The following SLC8A1 variants were observed in gnomAD, a reference collection of about 807,000 sequenced individuals.
The protein encoded by SLC8A1 is sodium/calcium exchanger 1.
In SLC8A1, 18 loss-of-function variants were observed where a neutral mutation model predicts 68.3. That is an observed-to-expected ratio of 0.26 (90% confidence interval 0.18 to 0.39). The LOEUF (loss-of-function observed/expected upper bound fraction) is 0.39. Ranked by LOEUF, SLC8A1 falls within the 10% of genes least tolerant of loss-of-function variation. The pLI is 1.00. For missense variants in SLC8A1, 985 were observed against 1,156.7 expected, an observed-to-expected ratio of 0.85 and a Z score of 2.15; for synonymous variants, 475 against 415.5, an observed-to-expected ratio of 1.14 and a Z score of -1.74.
intron 2 of SLC8A1, among the ~76,000 whole-genome samples, chr2:40,407,622 C>T (rs1690780365): frequency 6.6e-6 from 1 of 152,204 alleles, no homozygotes; most frequent in African/African-American, 2.4e-5. Context: ...TATATTGGAG[C>T]TCCCACAGCT....
intron 2 of SLC8A1, among the ~76,000 whole-genome samples, chr2:40,383,970 G>T (rs564559687): frequency 1.1e-4 from 17 of 152,180 alleles, no homozygotes; most frequent in African/African-American, 4.1e-4. Flanking sequence ...GTAATAAATG[G>T]TAAGCACTGG....
At chr2:40,414,231 T>G (rs1331560770) in intron 2 of SLC8A1, among the ~76,000 whole-genome samples, 1 of 152,202 alleles carries the variant, frequency 6.6e-6, no homozygotes, top group Non-Finnish European at 1.5e-5. Flanking sequence ...TGGAAAACAG[T>G]ATCTTAAGAC....
chr2:40,277,858 G>A (rs2149171013), intron 2 of SLC8A1, among the ~76,000 whole-genome samples: 2 of 142,344 alleles, frequency 1.4e-5, no homozygotes, highest in African/African-American at 5.2e-5. Flanking sequence ...CTTACTATGT[G>A]CAGGGCACTG....
chr2:40,491,225 T>C (rs1323518490), intron 1 of SLC8A1, among the ~76,000 whole-genome samples: 1 of 152,164 alleles, frequency 6.6e-6, no homozygotes, highest in African/African-American at 2.4e-5. Flanking sequence ...GATTCCTAGG[T>C]ATTTTATTCT....
At chr2:40,324,559 G>A (rs1032119396) in intron 2 of SLC8A1, among the ~76,000 whole-genome samples, 1 of 152,148 alleles carries the variant, frequency 6.6e-6, no homozygotes, top group Admixed American at 6.6e-5. Context: ...AAGTGAAGTA[G>A]CTCATTTGTT....
intron 6 of SLC8A1, among the ~76,000 whole-genome samples, chr2:40,146,977 A>C (rs189418504): frequency 1.4e-4 from 21 of 152,330 alleles, no homozygotes; most frequent in Non-Finnish European, 2.9e-4. Context: ...AACCTGGCTG[A>C]AATGAATGAA....
chr2:40,268,893 T>A (rs2065687239), intron 2 of SLC8A1, among the ~76,000 whole-genome samples: 1 of 152,178 alleles, frequency 6.6e-6, no homozygotes, highest in Admixed American at 6.5e-5. Context: ...GCTATTAACC[T>A]CTCAAAATAA....
At chr2:40,404,160 C>G (rs559219921) in intron 2 of SLC8A1, among the ~76,000 whole-genome samples, 1 of 152,246 alleles carries the variant, frequency 6.6e-6, no homozygotes, top group East Asian at 1.9e-4. Flanking sequence ...CTCCAAAGTA[C>G]TGAGGATTAC....
In SLC8A1 at chr2:40,439,848, GGTGC is replaced by G. The variant is rs1700143566; in HGVS notation, c.-24-9548_-24-9545del. ...CATATTTTAAAAAGTCAAGGTGATG[GGTGC>G]TCACATAAGGGTGACTCTCCATCAG... On this transcript the variant is annotated intron_variant, in intron 1 of 7. Transcript: ENST00000406785. 2.6e-5 allele frequency among the ~76,000 whole-genome samples: 4 copies of G among 152,232 alleles called. No individual in the cohort carries two copies. In the East Asian group the frequency reaches 7.7e-4, roughly 29 times the overall value.
At chr2:40,365,159 C>T (rs549780405) in intron 2 of SLC8A1, among the ~76,000 whole-genome samples, 238 of 151,908 alleles carry the variant, frequency 1.6e-3, no homozygotes, top group Middle Eastern at 0.014. Flanking sequence ...ATTTGAACCT[C>T]TGAAAACCAC....
intron 2 of SLC8A1, among the ~76,000 whole-genome samples, chr2:40,199,270 T>C (rs1232217591): frequency 6.6e-6 from 1 of 151,856 alleles, no homozygotes; most frequent in Non-Finnish European, 1.5e-5. Context: ...AAATGGACAC[T>C]GCTCACCTTG....
At chr2:40,314,530 C>CAA (rs766929438) in intron 2 of SLC8A1, among the ~76,000 whole-genome samples, 1 of 145,338 alleles carries the variant, frequency 6.9e-6, no homozygotes, top group African/African-American at 2.5e-5. Context: ...AAATTTACAC[C>CAA]AAAAAAAAAA....
At chr2:40,509,560 C>G (rs187854682) in intron 1 of SLC8A1, among the ~76,000 whole-genome samples, 2 of 146,998 alleles carry the variant, frequency 1.4e-5, no homozygotes, top group African/African-American at 2.5e-5. Context: ...CCTACTCTTA[C>G]TTTCATACAA....
intron 2 of SLC8A1, among the ~76,000 whole-genome samples, chr2:40,182,459 G>A: frequency 6.6e-6 from 1 of 151,832 alleles, no homozygotes; most frequent in East Asian, 1.9e-4. Context: ...AAATTTTTAT[G>A]GAAGTACATT....
In SLC8A1 at chr2:40,441,351, A is replaced by T. The variant is rs1156574625; in HGVS notation, c.-25+10553T>A. ...ATTGTGAAAGCAATTTATAGATACA[A>T]TGCTATTCCCATCAAACTACCATTG... On this transcript the variant is annotated intron_variant, in intron 1 of 7. Transcript: ENST00000406785. 2.0e-5 allele frequency among the ~76,000 whole-genome samples: 3 copies of T among 152,012 alleles called. No individual in the cohort carries two copies. In the East Asian group the frequency reaches 5.8e-4, roughly 29 times the overall value.
At chr2:40,405,171 G>A (rs1358148560) in intron 2 of SLC8A1, among the ~76,000 whole-genome samples, 1 of 152,134 alleles carries the variant, frequency 6.6e-6, no homozygotes, top group African/African-American at 2.4e-5. Context: ...ATTCCCATAA[G>A]AAATACCCCA....
At chr2:40,289,938 G>T (rs1431416010) in intron 2 of SLC8A1, among the ~76,000 whole-genome samples, 1 of 152,062 alleles carries the variant, frequency 6.6e-6, no homozygotes, top group Non-Finnish European at 1.5e-5. Flanking sequence ...ACAGGAATGG[G>T]AGATGAGGAA....
At position 40,428,593 on chromosome 2, in the gene SLC8A1, G is replaced by A. The variant is rs760854976; in HGVS notation, c.1688C>T (p.Thr563Ile). 1.4e-5 allele frequency: 22 copies of A among 1,613,706 alleles called. No homozygotes were observed. Among genetic ancestry groups the A allele is most frequent in the Non-Finnish European group, 1.6e-5 (19 of 1,179,906 alleles). Residue 563 changes from threonine (T) to isoleucine (I), a missense_variant, in exon 2 of 8, where the codon ACA becomes ATA. This residue lies in a region of SLC8A1 where 584 missense variants were observed against 565.9 expected (regional missense o/e 1.03). Coordinates refer to ENST00000406785, the Ensembl canonical transcript of SLC8A1. ...GATAACATTTCCTCGAGCTCCAGAT[G>A]TTCTCAATACTTTCACCTCCATGAT...
intron 1 of SLC8A1, among the ~76,000 whole-genome samples, chr2:40,501,516 G>A (rs1199182620): frequency 2.0e-5 from 3 of 152,046 alleles, no homozygotes; most frequent in African/African-American, 7.2e-5. Flanking sequence ...TGACCTGTAT[G>A]CTTCTTTTGA....
Sources: allele counts gnomAD v4.1 joint callset (sites outside exome capture counted in the v4.1 genomes callset), GRCh38; gene constraint gnomAD v4.1.1; regional missense constraint gnomAD v4.1.1; transcripts MANE v1.5; gene names NCBI Gene and HGNC (gene_info 2026-07-23, HGNC 2026-07-21).